The following RSAD1 variants were observed in gnomAD, a reference collection of about 807,000 sequenced individuals.
RSAD1 encodes radical S-adenosyl methionine domain-containing protein 1, mitochondrial.
A neutral mutation model predicts 46.2 loss-of-function variants in RSAD1; 34 were observed. The observed-to-expected ratio is 0.74, with a 90% confidence interval of 0.56 to 0.98. The LOEUF (loss-of-function observed/expected upper bound fraction) is 0.98, where lower values mean the gene tolerates loss of function less well. Ranked by LOEUF, RSAD1 falls within the 50% of genes least tolerant of loss-of-function variation. The pLI, the probability that RSAD1 is intolerant of heterozygous loss-of-function variation, is 0.00. For synonymous variants in RSAD1, 260 were observed against 253.5 expected (o/e 1.03, Z -0.24); for missense variants, 635 against 592.3 (o/e 1.07, Z -0.75).
chr17:50,479,293 A>C (rs2033349343), intron 1 of RSAD1: 3 of 466,394 alleles, frequency 6.4e-6, no homozygotes, highest in Non-Finnish European at 1.1e-5. Context: ...AAATTTTCTT[A>C]AGAGCAGTGT....
chr17:50,480,055 G>A lies in RSAD1; in HGVS notation c.445G>A (p.Gly149Arg), dbSNP rs1300540600. The change falls in exon 3 of 9, where the codon GGG (glycine) becomes AGG (arginine). Residue 149 changes from glycine to arginine, a missense_variant. Transcript: ENST00000258955. Reference protein sequence around the residue: ...GSRLAEFGAAGVNRLSIGLQS... With the variant: ...GSRLAEFGAARVNRLSIGLQS... ...CAGACTGGCAGAGTTCGGGGCAGCA[G>A]GGGTTAACAGGTTGTCTATAGGCCT... 3.7e-6 allele frequency: 6 copies of A among 1,613,972 alleles called. No individual in the cohort carries two copies. In the African/African-American group the frequency reaches 4.0e-5, roughly 11 times the overall value.
chr17:50,479,610 G>A lies in RSAD1; in HGVS notation c.136-19G>A, dbSNP rs544449721. On this transcript the variant is annotated intron_variant, in intron 1 of 8. Transcript: ENST00000258955. ...GGCCAGGGCAGCTCTCACCGCGCAC[G>A]TGCACTCACTGCCCCCAGTGGCCTT... is the stretch of plus-strand genomic sequence containing the variant. 1 of 1,613,280 alleles carries A rather than the reference G, an allele frequency of 6.2e-7. No individual in the cohort carries two copies. Among genetic ancestry groups the A allele is most frequent in the Non-Finnish European group, 8.5e-7 (1 of 1,179,992 alleles).
Position 50,484,410 on chromosome 17 carries a change from G to C in RSAD1, c.1108-32G>C, listed in dbSNP as rs116733686. The C allele has an allele frequency of 3.1e-6, 5 of 1,601,514 alleles. No homozygotes were observed. The East Asian group carries it at 8.9e-5, about 29-fold the overall frequency. The stretch of plus-strand genomic sequence containing the variant: ...TATGTGGCCCAGAGTAGCCAGGCCA[G>C]CTCCCCACCTCTGACCCTCTGGCTT... On this transcript the variant is annotated intron_variant, in intron 7 of 8. Transcript: ENST00000258955.
At chr17:50,484,635 A>T (rs115070435) in intron 8 of RSAD1, 90 bp downstream of exon 8, 2 of 1,527,332 alleles carry the variant, frequency 1.3e-6, no homozygotes, top group Non-Finnish European at 1.8e-6. Context: ...AGTGAGAAAG[A>T]CTGACTGGTA....
Position 50,482,230 on chromosome 17 carries a change from T to G in RSAD1, c.614T>G (p.Val205Gly). Residue 205 changes from valine to glycine, a missense_variant, in exon 4 of 9, where the codon GTG (valine) becomes GGG (glycine). Val to Gly is a moderately radical substitution (Grantham distance 109, BLOSUM62 -3). Transcript: ENST00000258955. The part of the protein sequence containing the change: ...DLMLGLPAQQ[V>G]GPWLGQLQEL... ...ATGCTGGGGCTGCCGGCACAGCAGGTGGGGCCGTGGCTTGGGCAGCTGCAG... is the reference window on the plus strand; with the variant it reads ...ATGCTGGGGCTGCCGGCACAGCAGGGGGGGCCGTGGCTTGGGCAGCTGCAG... 6.4e-7 allele frequency: 1 copy of G among 1,568,696 alleles called. No homozygotes were observed. The highest frequency in any genetic ancestry group is 1.2e-5 in the South Asian group (1 of 85,294).
Position 50,485,030 on chromosome 17 carries a change from T to A in RSAD1, c.*169T>A. On this transcript the variant is annotated 3_prime_UTR_variant, in exon 9 of 9. Coordinates refer to ENST00000258955, the MANE Select transcript of RSAD1 (RefSeq NM_018346.3). ...GCAGTGAGGTAGATGGGAGGACATT[T>A]CTGGTCAGGGAACTGGCATCCCATT... is the stretch of plus-strand genomic sequence containing the variant. 1 of 604,578 alleles carries A rather than the reference T, an allele frequency of 1.7e-6. No homozygotes were observed. The allele number at this position is 604,578 out of a possible 1,614,324, so 37.5% of individuals were successfully genotyped here. A position where few individuals can be genotyped will look rare whatever the true frequency, so the allele number is the denominator to read the frequency against.
chr17:50,484,945 G>C lies in RSAD1; in HGVS notation c.*84G>C. 1.8e-6 allele frequency: 2 copies of C among 1,104,352 alleles called. No homozygotes were observed. Among genetic ancestry groups the C allele is most frequent in the Non-Finnish European group, 2.7e-6 (2 of 730,852 alleles). The allele number at this position is 1,104,352 out of a possible 1,614,324, so 68.4% of individuals were successfully genotyped here. ...CTGCAGACATCTCTTCTCCGTTGTC[G>C]GGTGCCGTCTCTGCTCCTTGTGGTT... On this transcript the variant is annotated 3_prime_UTR_variant, in exon 9 of 9. Transcript: ENST00000258955.
chr17:50,479,018 AC>A lies in RSAD1; in HGVS notation c.135del (p.Trp46GlyfsTer31). On this transcript the variant is annotated frameshift_variant and splice_region_variant, in exon 1 of 9. Transcript: ENST00000258955. LOFTEE classifies it high-confidence loss of function. ...GGCCGGCGCGCGGCGCTTTACGTAC[AC>A]GTGAGTAGGGGCGGGGGCGGAGCCC... ...PAGRRAALYV[H>X]WPYCEKRCSY... is the part of the protein sequence containing the mutation. 1 of 1,351,750 alleles carries A rather than the reference AC, an allele frequency of 7.4e-7. No homozygotes were observed. Among genetic ancestry groups the A allele is most frequent in the Non-Finnish European group, 9.4e-7 (1 of 1,058,382 alleles). 83.7% of individuals were successfully genotyped at this position (1,351,750 alleles called of 1,614,324 possible). A position where few individuals can be genotyped will look rare whatever the true frequency, so the allele number is the denominator to read the frequency against.
At chr17:50,480,334 A>T (rs917767813) in intron 3 of RSAD1, 2 of 525,342 alleles carry the variant, frequency 3.8e-6, no homozygotes. Flanking sequence ...GGCACATAGT[A>T]GGTGGTCAAA....
intron 1 of RSAD1, 120 bp from the exon 2 acceptor site, chr17:50,479,509 T>A: frequency 7.8e-7 from 1 of 1,275,606 alleles, no homozygotes. Flanking sequence ...GGCTTAGATG[T>A]CCTAGCTACT....
Position 50,484,881 on chromosome 17 carries a change from C to T in RSAD1, c.*20C>T. 6.2e-7 allele frequency: 1 copy of T among 1,601,804 alleles called. No individual in the cohort carries two copies. The highest frequency in any genetic ancestry group is 8.6e-7 in the Non-Finnish European group (1 of 1,169,192). On this transcript the variant is annotated 3_prime_UTR_variant, in exon 9 of 9. Transcript: ENST00000258955. ...GGATGACAAAAATGTTCCTGTGTTC[C>T]AGGGTAATGCCAGGTGGGTTTTGAG...
In RSAD1 at chr17:50,485,504, T is replaced by C. The variant is rs1218348681; in HGVS notation, c.*643T>C. The C allele has an allele frequency of 6.6e-6, 1 of 152,348 alleles. No homozygotes were observed. Among genetic ancestry groups the C allele is most frequent in the Non-Finnish European group, 1.5e-5 (1 of 68,106 alleles). The allele number at this position is 152,348 out of a possible 1,614,324, so 9.4% of individuals were successfully genotyped here. Reference sequence around the variant, plus strand: ...AAACCTCATGCCTACTGTCTGCCACTGCTGGAGAAGGAATCATGGTTTCTA... The same window carrying C: ...AAACCTCATGCCTACTGTCTGCCACCGCTGGAGAAGGAATCATGGTTTCTA... On this transcript the variant is annotated 3_prime_UTR_variant, in exon 9 of 9. Transcript: ENST00000258955.
At chr17:50,479,238 A>C in intron 1 of RSAD1, 1 of 518,414 alleles carries the variant, frequency 1.9e-6, no homozygotes, top group Admixed American at 3.8e-5. Flanking sequence ...GGTGACTCTG[A>C]CCAAATGGTT....
At position 50,479,755 on chromosome 17, in the gene RSAD1, G is replaced by A. The variant is rs1375859883; in HGVS notation, c.262G>A (p.Val88Met). ...EAQTLLRLSG[V>M]QRVESVFFGG... Reference sequence around the variant, plus strand: ...TCAGACGCTGCTGCGGCTCAGCGGGGTGCAACGGTGGGTAGTGGGGGCTGT... The same window carrying A: ...TCAGACGCTGCTGCGGCTCAGCGGGATGCAACGGTGGGTAGTGGGGGCTGT... The change falls in exon 2 of 9, where the codon GTG (valine) becomes ATG (methionine). Residue 88 changes from valine to methionine, a missense_variant. Physicochemically the swap from Val to Met is conservative, Grantham distance 21. Transcript: ENST00000258955. 1.2e-6 allele frequency: 2 copies of A among 1,608,894 alleles called. No homozygotes were observed. The highest frequency in any genetic ancestry group is 3.4e-5 in the Admixed American group (2 of 59,594).
chr17:50,480,731 C>G (rs936589737), intron 3 of RSAD1: 1 of 152,980 alleles, frequency 6.5e-6, no homozygotes, highest in African/African-American at 2.4e-5. Flanking sequence ...TAGGGAGAAA[C>G]CTAGTCGTCT....
intron 7 of RSAD1, 77 bp downstream of exon 7, chr17:50,483,837 C>CCA (rs1555615418): frequency 2.2e-6 from 3 of 1,372,490 alleles, no homozygotes; most frequent in Non-Finnish European, 3.0e-6. Flanking sequence ...GCCACCCCCC[C>CCA]CACACACATA....
intron 3 of RSAD1, among the ~76,000 whole-genome samples, chr17:50,481,224 T>C (rs1019376650): frequency 2.0e-5 from 3 of 152,190 alleles, no homozygotes; most frequent in African/African-American, 7.2e-5. Context: ...AGGAGGAAAT[T>C]ACTACAGTAG....
At position 50,482,446 on chromosome 17, in the gene RSAD1, T is replaced by G; in HGVS notation, c.830T>G (p.Phe277Cys). Residue 277 changes from phenylalanine to cysteine, a missense_variant, in exon 4 of 9, where the codon TTT (phenylalanine) becomes TGT (cysteine). Transcript: ENST00000258955. ...AGFHQYEVSN[F>C]ARNGALSTHN... ...TTCCACCAGTATGAGGTCTCCAACT[T>G]TGCCCGGAATGTAAGTTCTGGGGCT... 1 of 1,588,452 alleles carries G rather than the reference T, an allele frequency of 6.3e-7. No individual in the cohort carries two copies. The highest frequency in any genetic ancestry group is 8.5e-7 in the Non-Finnish European group (1 of 1,170,280).
In RSAD1 at chr17:50,482,078, C is replaced by G; in HGVS notation, c.475-13C>G. On this transcript the variant is annotated splice_polypyrimidine_tract_variant and intron_variant, in intron 3 of 8. Coordinates refer to ENST00000258955, the MANE Select transcript of RSAD1 (RefSeq NM_018346.3). Reference sequence around the variant, plus strand: ...GAGCTGCTGGTATGCTTACACCCACCCTCTTTTCCCAGTCCCTAGATGACA... The same window carrying G: ...GAGCTGCTGGTATGCTTACACCCACGCTCTTTTCCCAGTCCCTAGATGACA... The G allele has an allele frequency of 6.5e-7, 1 of 1,526,750 alleles. No homozygotes were observed. The highest frequency in any genetic ancestry group is 1.8e-4 in the Middle Eastern group (1 of 5,662). 94.6% of individuals were successfully genotyped at this position (1,526,750 alleles called of 1,614,324 possible). A position where few individuals can be genotyped will look rare whatever the true frequency, so the allele number is the denominator to read the frequency against.
Sources: allele counts gnomAD v4.1 joint callset (sites outside exome capture counted in the v4.1 genomes callset), GRCh38; gene constraint gnomAD v4.1.1; transcripts MANE v1.5; gene names NCBI Gene and HGNC (gene_info 2026-07-23, HGNC 2026-07-21).